The following TXNDC8 variants were observed in gnomAD, a reference collection of about 807,000 sequenced individuals.
TXNDC8 encodes thioredoxin domain-containing protein 8.
A neutral mutation model predicts 12.9 loss-of-function variants in TXNDC8; 15 were observed. The ratio of observed to expected loss-of-function variants is 1.16; its 90% confidence interval spans 0.78 to 1.79. TXNDC8 has a LOEUF of 1.79. Among genes scored for constraint, TXNDC8 ranks in the 40% most tolerant of loss-of-function variants. TXNDC8 has a pLI of 0.00. For missense variants in TXNDC8, 128 were observed against 113.2 expected (o/e 1.13, Z -0.59); for synonymous variants, 40 against 35.4 (o/e 1.13, Z -0.46).
intron 3 of TXNDC8, among the ~76,000 whole-genome samples, chr9:110,310,157 T>A (rs1838609730): frequency 6.6e-6 from 1 of 152,086 alleles, no homozygotes; most frequent in African/African-American, 2.4e-5. Flanking sequence ...CTAGGATCCA[T>A]CTGCAAACTA....
chr9:110,320,245 C>T (rs140510485), intron 3 of TXNDC8, among the ~76,000 whole-genome samples: 47 of 152,258 alleles, frequency 3.1e-4, no homozygotes, highest in African/African-American at 1.0e-3. Flanking sequence ...CGATAATTCC[C>T]ATGTGTCATG....
intron 2 of TXNDC8, among the ~76,000 whole-genome samples, chr9:110,328,083 G>A (rs961604545): frequency 5.9e-5 from 9 of 152,036 alleles, no homozygotes; most frequent in African/African-American, 1.9e-4. Flanking sequence ...TTTTATCTTC[G>A]GTTAAGTGTT....
In TXNDC8 at chr9:110,319,243, T is replaced by C. The variant is rs188471164; in HGVS notation, c.195+6932A>G. The stretch of plus-strand genomic sequence containing the variant: ...ACAATCCTTGACAGGTTAAATATTA[T>C]TGGGTAGGCAACCCCTGAATGCTAA... On this transcript the variant is annotated intron_variant, in intron 3 of 4. Coordinates refer to ENST00000423740, the MANE Select transcript of TXNDC8 (RefSeq NM_001286946.2). Among the ~76,000 whole-genome samples, 6 of 152,352 alleles carry C rather than the reference T, an allele frequency of 3.9e-5. No homozygotes were observed. In the East Asian group the frequency reaches 1.2e-3, roughly 29 times the overall value.
rs1041920511 is a variant in TXNDC8, at chr9:110,326,235, C to T, written c.135G>A (p.Leu45=). ...TTGTTTTGATGTGACAAGTTTCAGC[C>T]AGCTCCTGGGAAAGCAAAGAAATGG... The change falls in exon 3 of 5, where the codon CTG becomes CTA. Residue 45 remains leucine (L), a synonymous_variant. Transcript: ENST00000423740. 1 of 1,613,942 alleles carries T rather than the reference C, an allele frequency of 6.2e-7. No homozygotes were observed. The highest frequency in any genetic ancestry group is 8.5e-7 in the Non-Finnish European group (1 of 1,179,924).
At chr9:110,320,491 T>C (rs377228470) in intron 3 of TXNDC8, among the ~76,000 whole-genome samples, 4 of 152,308 alleles carry the variant, frequency 2.6e-5, no homozygotes, top group African/African-American at 9.6e-5. Flanking sequence ...CTCTTTCCTG[T>C]GTAAATTACC....
chr9:110,320,379 C>T (rs34594248), intron 3 of TXNDC8, among the ~76,000 whole-genome samples: 22,860 of 152,094 alleles, frequency 0.15, 1,980 homozygotes, highest in Non-Finnish European at 0.2. Flanking sequence ...CTGCATGCAC[C>T]CTCTTGCCTG....
At chr9:110,331,048 C>T (rs1056695963) in intron 2 of TXNDC8, among the ~76,000 whole-genome samples, 3 of 152,238 alleles carry the variant, frequency 2.0e-5, no homozygotes, top group Non-Finnish European at 2.9e-5. Context: ...ACTTCCATTT[C>T]ACCATCCTGG....
At chr9:110,305,641 T>A (rs1456605285) in intron 3 of TXNDC8, among the ~76,000 whole-genome samples, 1 of 145,032 alleles carries the variant, frequency 6.9e-6, no homozygotes, top group African/African-American at 2.5e-5. Context: ...TCTTTTTCTT[T>A]CTTTCTATTT....
At chr9:110,313,117 G>T (rs1423977319) in intron 3 of TXNDC8, among the ~76,000 whole-genome samples, 1 of 152,066 alleles carries the variant, frequency 6.6e-6, no homozygotes, top group East Asian at 1.9e-4. Context: ...TGTTGGCCAG[G>T]CTGGTCTTGA....
intron 3 of TXNDC8, among the ~76,000 whole-genome samples, chr9:110,311,520 GGTAT>G (rs1292513267): frequency 1.8e-4 from 3 of 16,540 alleles, no homozygotes; most frequent in African/African-American, 5.7e-4. Context: ...AAAATAAAGA[GGTAT>G]ATATATATAT....
At chr9:110,318,264 T>G (rs952540019) in intron 3 of TXNDC8, among the ~76,000 whole-genome samples, 1 of 152,214 alleles carries the variant, frequency 6.6e-6, no homozygotes, top group Non-Finnish European at 1.5e-5. Context: ...ACTCCATCAA[T>G]GCATATCTTT....
intron 3 of TXNDC8, chr9:110,323,825 C>T: frequency 6.5e-7 from 1 of 1,538,346 alleles, no homozygotes; most frequent in Non-Finnish European, 8.8e-7. Context: ...TAGCTTCAGA[C>T]TCATATCTTC....
intron 3 of TXNDC8, among the ~76,000 whole-genome samples, chr9:110,319,905 C>T (rs573074650): frequency 6.6e-6 from 1 of 152,298 alleles, no homozygotes; most frequent in South Asian, 2.1e-4. Context: ...AAGAGCCCTA[C>T]AGTTCATAAA....
intron 3 of TXNDC8, among the ~76,000 whole-genome samples, chr9:110,306,138 A>G (rs138499597): frequency 4.6e-5 from 7 of 152,288 alleles, no homozygotes; most frequent in African/African-American, 1.4e-4. Context: ...AGGTGCTGGG[A>G]TTACAGGTGT....
intron 3 of TXNDC8, among the ~76,000 whole-genome samples, chr9:110,315,920 C>T (rs10816969): frequency 0.093 from 14,082 of 151,348 alleles, 699 homozygotes; most frequent in Middle Eastern, 0.14. Flanking sequence ...TTTTTTGAGA[C>T]AGGGTCTTGC....
At chr9:110,329,392 C>T in intron 2 of TXNDC8, 101 bp from the exon 3 acceptor site, 1 of 867,690 alleles carries the variant, frequency 1.2e-6, no homozygotes, top group South Asian at 1.6e-5. Context: ...AACAGAAAGG[C>T]TGTTAAAGAG....
intron 3 of TXNDC8, among the ~76,000 whole-genome samples, chr9:110,307,835 T>C (rs1402060931): frequency 1.3e-5 from 2 of 152,252 alleles, no homozygotes; most frequent in Admixed American, 1.3e-4. Flanking sequence ...TCATCATATA[T>C]GTTGATTGAT....
intron 3 of TXNDC8, among the ~76,000 whole-genome samples, chr9:110,310,006 T>A (rs1411730288): frequency 6.6e-6 from 1 of 151,986 alleles, no homozygotes; most frequent in African/African-American, 2.4e-5. Context: ...AAACCAATAA[T>A]CTAAGAATGA....
intron 3 of TXNDC8, among the ~76,000 whole-genome samples, chr9:110,315,953 G>A (rs938529793): frequency 2.0e-5 from 3 of 151,566 alleles, no homozygotes; most frequent in Non-Finnish European, 2.9e-5. Flanking sequence ...GCTGGAGTGC[G>A]GTGGTATGAT....
Sources: allele counts gnomAD v4.1 joint callset (sites outside exome capture counted in the v4.1 genomes callset), GRCh38; gene constraint gnomAD v4.1.1; transcripts MANE v1.5; gene names NCBI Gene and HGNC (gene_info 2026-07-23, HGNC 2026-07-21).